Variants in SEMA3C observed in about 807,000 individuals in gnomAD.
SEMA3C encodes semaphorin-3C.
In SEMA3C, 47 loss-of-function variants were observed where a neutral mutation model predicts 89.4. The ratio of observed to expected loss-of-function variants is 0.53; its 90% confidence interval spans 0.42 to 0.67. The LOEUF (loss-of-function observed/expected upper bound fraction) is 0.67, where lower values mean the gene tolerates loss of function less well. Among genes scored for constraint, SEMA3C ranks in the 30% least tolerant of loss-of-function variants. The pLI, the probability that SEMA3C is intolerant of heterozygous loss-of-function variation, is 0.00. For synonymous variants in SEMA3C, 310 were observed against 320.2 expected (o/e 0.97, Z 0.34); for missense variants, 839 against 929.1 (o/e 0.90, Z 1.26).
At chr7:80,905,322 G>A (rs1462218708) in intron 2 of SEMA3C, among the ~76,000 whole-genome samples, 3 of 90,098 alleles carry the variant, frequency 3.3e-5, no homozygotes, top group Non-Finnish European at 6.8e-5. Flanking sequence ...GAGGGGGAGA[G>A]AGGGGGAGGG....
chr7:80,804,524 T>C (rs1437970009), intron 7 of SEMA3C, among the ~76,000 whole-genome samples: 1 of 152,166 alleles, frequency 6.6e-6, no homozygotes, highest in African/African-American at 2.4e-5. Context: ...TCCTAAGGAA[T>C]CTGATGGCTA....
intron 2 of SEMA3C, among the ~76,000 whole-genome samples, chr7:80,832,932 C>T (rs191128867): frequency 7.5e-4 from 114 of 152,254 alleles, no homozygotes; most frequent in Admixed American, 1.3e-3. Flanking sequence ...ACCCCCATCA[C>T]GACTTTCTCA....
Position 80,751,345 on chromosome 7 carries a change from G to A in SEMA3C, c.1644-9C>T. 2 of 1,612,190 alleles carry A rather than the reference G, an allele frequency of 1.2e-6. No homozygotes were observed. The highest frequency in any genetic ancestry group is 1.7e-6 in the Non-Finnish European group (2 of 1,178,314). The stretch of plus-strand genomic sequence containing the variant: ...CTTGTCTTCGGCTCCTCCTGCAAGT[G>A]CAGAAATACATAAAAGTGACTGAGA... On this transcript the variant is annotated splice_polypyrimidine_tract_variant and intron_variant, in intron 15 of 17. Transcript: ENST00000265361.
chr7:80,872,923 G>GAA (rs758696880), intron 2 of SEMA3C, among the ~76,000 whole-genome samples: 9 of 79,630 alleles, frequency 1.1e-4, no homozygotes, highest in Non-Finnish European at 1.4e-4. Context: ...GAATGAGAGT[G>GAA]AAAAAAAAAA....
At chr7:80,802,900 C>T (rs1789243435) in intron 8 of SEMA3C, 121 bp from the exon 9 acceptor site, 1 of 583,960 alleles carries the variant, frequency 1.7e-6, no homozygotes, top group Non-Finnish European at 3.1e-6. Flanking sequence ...ATGTTAACCA[C>T]TTCTGCACAT....
intron 2 of SEMA3C, among the ~76,000 whole-genome samples, chr7:80,852,055 T>C (rs539246852): frequency 1.2e-3 from 189 of 152,314 alleles, no homozygotes; most frequent in Non-Finnish European, 1.8e-3. Context: ...TATACAGAGT[T>C]ACTCAGGCTG....
intron 2 of SEMA3C, among the ~76,000 whole-genome samples, chr7:80,914,300 A>G (rs1290235716): frequency 6.6e-6 from 1 of 152,160 alleles, no homozygotes; most frequent in Non-Finnish European, 1.5e-5. Flanking sequence ...ACTACTTTGG[A>G]GGAAACTTAA....
chr7:80,850,579 G>A (rs531753621), intron 2 of SEMA3C, among the ~76,000 whole-genome samples: 112 of 152,246 alleles, frequency 7.4e-4, no homozygotes, highest in African/African-American at 2.2e-3. Context: ...GGTCATAGAA[G>A]TAATCCTGGT....
At chr7:80,919,929 T>A (rs1202212226), upstream of SEMA3C, among the ~76,000 whole-genome samples, 1 of 152,150 alleles carries the variant, frequency 6.6e-6, no homozygotes. Context: ...ATCCTTTTAA[T>A]GGGTATTGTT....
chr7:80,896,422 A>G (rs1433539921), intron 2 of SEMA3C, among the ~76,000 whole-genome samples: 1 of 152,218 alleles, frequency 6.6e-6, no homozygotes, highest in Non-Finnish European at 1.5e-5. Context: ...GCTAAGCCTT[A>G]GTCATAAACC....
At chr7:80,828,792 T>A (rs1239030823) in intron 2 of SEMA3C, 47 bp from the exon 3 acceptor site, 1 of 1,344,820 alleles carries the variant, frequency 7.4e-7, no homozygotes, top group Non-Finnish European at 1.0e-6. Context: ...CCTGGTTCTA[T>A]AATTCTATTA....
rs1312251861 is a variant in SEMA3C at position 80,822,641 on chromosome 7, A to G, written c.328-4223T>C. On this transcript the variant is annotated intron_variant, in intron 4 of 17. Coordinates refer to ENST00000265361, the MANE Select transcript of SEMA3C (RefSeq NM_006379.5). The stretch of plus-strand genomic sequence containing the variant: ...TCAGAGCCAGATGACCTAGGTTTAA[A>G]CCTTGGCTTCATCTTTTACTAGCTT... 3.9e-5 allele frequency among the ~76,000 whole-genome samples: 6 copies of G among 152,202 alleles called. No homozygotes were observed. The East Asian group carries it at 5.8e-4, about 15-fold the overall frequency.
At chr7:80,795,882 A>T (rs1387278815) in intron 11 of SEMA3C, among the ~76,000 whole-genome samples, 5 of 151,980 alleles carry the variant, frequency 3.3e-5, no homozygotes, top group Admixed American at 3.3e-4. Context: ...TCAAGTTACC[A>T]CTCTAATGTT....
chr7:80,860,802 T>C (rs953022939), intron 2 of SEMA3C, among the ~76,000 whole-genome samples: 7 of 152,320 alleles, frequency 4.6e-5, no homozygotes, highest in Admixed American at 1.3e-4. Context: ...GTCCTTTTCA[T>C]AGGATACCAT....
At chr7:80,874,760 G>A (rs371389861) in intron 2 of SEMA3C, among the ~76,000 whole-genome samples, 4 of 151,894 alleles carry the variant, frequency 2.6e-5, no homozygotes, top group East Asian at 1.9e-4. Context: ...GAGCCAGCGC[G>A]TCAGGCCCAT....
intron 2 of SEMA3C, among the ~76,000 whole-genome samples, chr7:80,869,763 G>A (rs903077575): frequency 2.0e-5 from 3 of 152,148 alleles, no homozygotes; most frequent in Middle Eastern, 3.4e-3. Context: ...AGTTTCTGGG[G>A]TTCAGACCTC....
chr7:80,866,482 CAAAAAATAAATAAAT>C (rs1260861554), intron 2 of SEMA3C, among the ~76,000 whole-genome samples: 1 of 151,058 alleles, frequency 6.6e-6, no homozygotes, highest in African/African-American at 2.4e-5. Flanking sequence ...TAAGACAGGG[CAAAAAATAAATAAAT>C]AAAAAATAAA....
chr7:80,818,530 C>G (rs1789666213), intron 4 of SEMA3C, 112 bp from the exon 5 acceptor site: 4 of 1,249,950 alleles, frequency 3.2e-6, no homozygotes, highest in Admixed American at 4.4e-5. Context: ...GTGACATAAA[C>G]TTTTGATGTA....
intron 11 of SEMA3C, among the ~76,000 whole-genome samples, chr7:80,795,425 A>G (rs1235653908): frequency 1.3e-5 from 2 of 152,168 alleles, no homozygotes; most frequent in Non-Finnish European, 2.9e-5. Flanking sequence ...CACCAGATGT[A>G]AGAAACCACA....
Sources: allele counts gnomAD v4.1 joint callset (sites outside exome capture counted in the v4.1 genomes callset), GRCh38; gene constraint gnomAD v4.1.1; transcripts MANE v1.5; gene names NCBI Gene and HGNC (gene_info 2026-07-23, HGNC 2026-07-21).